NMNAT2: variants seen among roughly 807,000 people sequenced by gnomAD.
NMNAT2 encodes nicotinamide nucleotide adenylyltransferase 2, also known as nicotinamide/nicotinic acid mononucleotide adenylyltransferase 2.
In NMNAT2, 11 loss-of-function variants were observed where a neutral mutation model predicts 41.6. The observed-to-expected ratio is 0.26, with a 90% CI of 0.17 to 0.44. The LOEUF (loss-of-function observed/expected upper bound fraction) is 0.44. Among genes scored for constraint, NMNAT2 ranks in the 20% least tolerant of loss-of-function variants. The pLI is 1.00. For missense variants in NMNAT2, 288 were observed against 407.7 expected, an observed-to-expected ratio of 0.71 and a Z score of 2.53; for synonymous variants, 148 against 151.2, an observed-to-expected ratio of 0.98 and a Z score of 0.16.
intron 4 of NMNAT2, among the ~76,000 whole-genome samples, chr1:183,288,129 G>A (rs1377059478): frequency 6.6e-6 from 1 of 152,200 alleles, no homozygotes; most frequent in Non-Finnish European, 1.5e-5. Context: ...TGATTGGCCT[G>A]GTAGCTGAGG....
At position 183,397,785 on chromosome 1, in the gene NMNAT2, G is replaced by A. The variant is rs10911327; in HGVS notation, c.85+20398C>T. Among the ~76,000 whole-genome samples, 211 of 152,070 alleles carry A rather than the reference G, an allele frequency of 1.4e-3. 1 individual carries two copies. The highest frequency in any genetic ancestry group is 4.7e-3 in the African/African-American group (194 of 41,478). On this transcript the variant is annotated intron_variant, in intron 1 of 10. Coordinates refer to ENST00000287713, the MANE Select transcript of NMNAT2 (RefSeq NM_015039.4). The stretch of plus-strand genomic sequence containing the variant: ...ATTTTTAAAGAAAAGAATTTTCAAC[G>A]CAGAATTTCATGTCCAGCCAAACTA...
chr1:183,367,803 A>T (rs944449391), intron 1 of NMNAT2, among the ~76,000 whole-genome samples: 1 of 152,196 alleles, frequency 6.6e-6, no homozygotes, highest in Non-Finnish European at 1.5e-5. Flanking sequence ...TTAAATGAAG[A>T]TGCAATAAAA....
intron 1 of NMNAT2, among the ~76,000 whole-genome samples, chr1:183,377,798 T>C (rs1212751578): frequency 3.9e-5 from 6 of 152,148 alleles, no homozygotes; most frequent in Non-Finnish European, 8.8e-5. Flanking sequence ...ATGACATGGG[T>C]GTTGGAGCTA....
At chr1:183,260,507 T>C (rs968242926) in intron 10 of NMNAT2, among the ~76,000 whole-genome samples, 1 of 152,086 alleles carries the variant, frequency 6.6e-6, no homozygotes, top group Non-Finnish European at 1.5e-5. Flanking sequence ...GCTAATGGAC[T>C]GTCCTCCCTT....
In NMNAT2 at chr1:183,322,864, C is replaced by A. The variant is rs1315828055; in HGVS notation, c.86-29071G>T. Among the ~76,000 whole-genome samples the A allele has an allele frequency of 2.6e-5, 4 of 152,298 alleles. No homozygotes were observed. In the East Asian group the frequency reaches 5.8e-4, roughly 22 times the overall value. On this transcript the variant is annotated intron_variant, in intron 1 of 10. Coordinates refer to ENST00000287713, the MANE Select transcript of NMNAT2 (RefSeq NM_015039.4). Reference sequence around the variant, plus strand: ...AGACCTCTCCTCCAAGCCCTAATCTCAGAAATCTAATTATCTGCTTGACAT... The same window carrying A: ...AGACCTCTCCTCCAAGCCCTAATCTAAGAAATCTAATTATCTGCTTGACAT...
intron 1 of NMNAT2, among the ~76,000 whole-genome samples, chr1:183,296,892 A>C (rs956144256): frequency 2.6e-5 from 4 of 152,090 alleles, no homozygotes; most frequent in Non-Finnish European, 5.9e-5. Flanking sequence ...AAGGCCTTGC[A>C]ACAATCTATT....
chr1:183,402,605 T>A (rs114776899), intron 1 of NMNAT2, among the ~76,000 whole-genome samples: 9 of 152,354 alleles, frequency 5.9e-5, no homozygotes, highest in Non-Finnish European at 7.3e-5. Context: ...TTTGTTGACA[T>A]GCTCAATAAA....
At position 183,252,196 on chromosome 1, in the gene NMNAT2, G is replaced by C. The variant is rs1660403721; in HGVS notation, c.*445C>G. 6.1e-6 allele frequency: 1 copy of C among 165,134 alleles called. No individual in the cohort carries two copies. The highest frequency in any genetic ancestry group is 6.0e-5 in the Admixed American group (1 of 16,566). 10.2% of individuals were successfully genotyped at this position (165,134 alleles called of 1,614,324 possible). On this transcript the variant is annotated 3_prime_UTR_variant, in exon 11 of 11. Coordinates refer to ENST00000287713, the MANE Select transcript of NMNAT2 (RefSeq NM_015039.4). Reference sequence around the variant, plus strand: ...GAAAAATAGCCCTTTGTAGTAAAGGGCATGCTGGGAAGGCAAGAGCCAGAG... The same window carrying C: ...GAAAAATAGCCCTTTGTAGTAAAGGCCATGCTGGGAAGGCAAGAGCCAGAG...
chr1:183,343,463 A>G (rs929758074), intron 1 of NMNAT2, among the ~76,000 whole-genome samples: 1 of 152,110 alleles, frequency 6.6e-6, no homozygotes. Context: ...ACTTGATTAA[A>G]TTTTTCCACA....
At chr1:183,350,095 G>A (rs139189665) in intron 1 of NMNAT2, among the ~76,000 whole-genome samples, 115 of 152,318 alleles carry the variant, frequency 7.5e-4, no homozygotes, top group Admixed American at 5.3e-3. Flanking sequence ...CAAACACTGA[G>A]CATATGAAGA....
In NMNAT2 at chr1:183,251,855, T is replaced by TTGCTGC. The variant is rs61148033; in HGVS notation, c.*780_*785dup. 2.4e-4 allele frequency: 39 copies of TTGCTGC among 163,300 alleles called. 6 individuals are homozygous for TTGCTGC. The highest frequency in any genetic ancestry group is 1.1e-3 in the South Asian group (7 of 6,228). 10.1% of individuals were successfully genotyped at this position (163,300 alleles called of 1,614,324 possible). A position where few individuals can be genotyped will look rare whatever the true frequency, so the allele number is the denominator to read the frequency against. ...CGAAAATCTCACTCCTGATCAAAGG[T>TTGCTGC]TGCTGCTGCTGCTGCTGCTGCTGCT... On this transcript the variant is annotated 3_prime_UTR_variant, in exon 11 of 11. Transcript: ENST00000287713.
intron 1 of NMNAT2, among the ~76,000 whole-genome samples, chr1:183,301,819 G>A (rs1335939788): frequency 6.6e-6 from 1 of 152,232 alleles, no homozygotes; most frequent in Non-Finnish European, 1.5e-5. Context: ...GCTGACATGT[G>A]TAATCTACTC....
At chr1:183,351,517 TACTCTTCTTTA>T (rs1280273310) in intron 1 of NMNAT2, among the ~76,000 whole-genome samples, 2 of 152,222 alleles carry the variant, frequency 1.3e-5, no homozygotes, top group Non-Finnish European at 2.9e-5. Context: ...CTGGTCTATT[TACTCTTCTTTA>T]GCATCCCCCA....
Position 183,258,982 on chromosome 1 carries a change from G to A in NMNAT2, c.821+2020C>T, listed in dbSNP as rs993702515. ...TGGTCTCCCGCACAGCCGGCTCTGC[G>A]TGAATTACTCTTTCTCTATTGCAAT... is the stretch of plus-strand genomic sequence containing the variant. On this transcript the variant is annotated intron_variant, in intron 10 of 10. Transcript: ENST00000287713. 5.3e-5 allele frequency among the ~76,000 whole-genome samples: 8 copies of A among 152,280 alleles called. No homozygotes were observed. The South Asian group carries it at 1.0e-3, about 20-fold the overall frequency.
At chr1:183,372,238 T>C (rs547310407) in intron 1 of NMNAT2, among the ~76,000 whole-genome samples, 4 of 152,140 alleles carry the variant, frequency 2.6e-5, no homozygotes, top group South Asian at 2.1e-4. Context: ...CTGCCCGGCA[T>C]TGGCTAGTGA....
At chr1:183,292,975 A>G (rs1661583092) in intron 2 of NMNAT2, 118 bp from the exon 3 acceptor site, 5 of 902,374 alleles carry the variant, frequency 5.5e-6, no homozygotes, top group Non-Finnish European at 8.9e-6. Context: ...GTGAGAGGGA[A>G]TGAAGAATGT....
chr1:183,271,368 A>G (rs1660984994), intron 8 of NMNAT2, among the ~76,000 whole-genome samples: 1 of 152,124 alleles, frequency 6.6e-6, no homozygotes, highest in South Asian at 2.1e-4. Flanking sequence ...TCCCTCCTTA[A>G]AAAGCTCTTC....
chr1:183,269,026 C>T (rs1222546356), intron 8 of NMNAT2, among the ~76,000 whole-genome samples: 2 of 152,138 alleles, frequency 1.3e-5, no homozygotes, highest in African/African-American at 2.4e-5. Context: ...GCTATGATCA[C>T]GCCACTGCAC....
chr1:183,390,711 A>G (rs1355474990), intron 1 of NMNAT2, among the ~76,000 whole-genome samples: 1 of 152,220 alleles, frequency 6.6e-6, no homozygotes, highest in Non-Finnish European at 1.5e-5. Flanking sequence ...GTCTAAAATG[A>G]AAGAAACAAG....
Sources: allele counts gnomAD v4.1 joint callset (sites outside exome capture counted in the v4.1 genomes callset), GRCh38; gene constraint gnomAD v4.1.1; transcripts MANE v1.5; gene names NCBI Gene and HGNC (gene_info 2026-07-23, HGNC 2026-07-21).